Variants in ARHGEF18 observed in about 807,000 individuals in gnomAD.
ARHGEF18 encodes rho guanine nucleotide exchange factor 18.
ARHGEF18 carries 93 observed loss-of-function variants against 155.7 expected under a neutral mutation model. The ratio of observed to expected loss-of-function variants is 0.60; its 90% CI spans 0.50 to 0.71. ARHGEF18 has a LOEUF of 0.71. Among genes scored for constraint, ARHGEF18 ranks in the 30% least tolerant of loss-of-function variants. ARHGEF18 has a pLI of 0.00. For synonymous variants in ARHGEF18, 742 were observed against 753.1 expected (o/e 0.99, Z 0.24); for missense variants, 1,593 against 1,816.1 (o/e 0.88, Z 2.23).
chr19:7,409,427 A>G (rs1270925734), intron 10 of ARHGEF18, among the ~76,000 whole-genome samples: 3 of 108,990 alleles, frequency 2.8e-5, no homozygotes, highest in Non-Finnish European at 5.4e-5. Context: ...ACTAATGAAG[A>G]GTCTTTTTTT....
chr19:7,470,041 C>T lies in ARHGEF18; in HGVS notation c.3913+12C>T, dbSNP rs1976926259. ...TGCGCCCCCACCAGGTGAGCCCCCA[C>T]CCCCTGACATGAGCCCAGTCCCAGG... is the stretch of plus-strand genomic sequence containing the variant. On this transcript the variant is annotated intron_variant, in intron 28 of 28. Coordinates refer to ENST00000668164, the MANE Select transcript of ARHGEF18 (RefSeq NM_001367823.1). The surrounding 1 kb of genome is among the most constrained non-coding windows in gnomAD (Gnocchi z 5.9). 1.9e-6 allele frequency: 3 copies of T among 1,612,274 alleles called. No individual in the cohort carries two copies. The highest frequency in any genetic ancestry group is 4.5e-5 in the East Asian group (2 of 44,838).
chr19:7,362,149 GAGAAGGAGGAGA>G (rs1238438948), intron 1 of ARHGEF18, among the ~76,000 whole-genome samples: 1 of 37,758 alleles, frequency 2.6e-5, no homozygotes, highest in East Asian at 5.2e-4. Flanking sequence ...GAAGGAGAAG[GAGAAGGAGGAGA>G]AGAAGGAGAA....
chr19:7,465,155 G>A (rs1976534248), intron 23 of ARHGEF18, among the ~76,000 whole-genome samples: 2 of 152,180 alleles, frequency 1.3e-5, no homozygotes, highest in South Asian at 4.1e-4. Flanking sequence ...TTGCCCCTGT[G>A]GCCAGAGCTG....
intron 1 of ARHGEF18, among the ~76,000 whole-genome samples, chr19:7,361,236 G>T (rs1023742751): frequency 6.6e-6 from 1 of 152,140 alleles, no homozygotes; most frequent in East Asian, 1.9e-4. Flanking sequence ...AGGAGTTCCG[G>T]ACCAGCCTGG....
intron 10 of ARHGEF18, among the ~76,000 whole-genome samples, chr19:7,421,629 G>C (rs377471066): frequency 2.6e-5 from 4 of 152,106 alleles, no homozygotes; most frequent in Non-Finnish European, 5.9e-5. Flanking sequence ...AGGCATGGTG[G>C]TGCACGCCTG....
At chr19:7,388,344 T>A (rs904184617) in intron 10 of ARHGEF18, among the ~76,000 whole-genome samples, 3 of 151,910 alleles carry the variant, frequency 2.0e-5, no homozygotes, top group Non-Finnish European at 4.4e-5. Context: ...TCCTCCCACC[T>A]ATGCCTCCCA....
In ARHGEF18 at chr19:7,374,447, C is replaced by T. The variant is rs1187008287; in HGVS notation, c.276-1273C>T. Reference sequence around the variant, plus strand: ...ATCCCAGCACTTTGGGAGGCCAAGGCGGGTGGATCACCTGAGGTCAGGAGT... The same window carrying T: ...ATCCCAGCACTTTGGGAGGCCAAGGTGGGTGGATCACCTGAGGTCAGGAGT... On this transcript the variant is annotated intron_variant, in intron 3 of 28. Coordinates refer to ENST00000668164, the MANE Select transcript of ARHGEF18 (RefSeq NM_001367823.1). Among the ~76,000 whole-genome samples, 8 of 152,068 alleles carry T rather than the reference C, an allele frequency of 5.3e-5. No homozygotes were observed. In the East Asian group the frequency reaches 7.8e-4, roughly 15 times the overall value.
chr19:7,404,491 G>A (rs1972193069), intron 10 of ARHGEF18, among the ~76,000 whole-genome samples: 2 of 131,038 alleles, frequency 1.5e-5, no homozygotes, highest in Non-Finnish European at 3.1e-5. Flanking sequence ...ATGGAGTCTC[G>A]CTCTGTCACC....
chr19:7,476,934 C>T (rs892572745), downstream of ARHGEF18: 20 of 403,500 alleles, frequency 5.0e-5, 1 homozygote, highest in Admixed American at 8.5e-5. Flanking sequence ...CGACAGGCCC[C>T]CTCTTCCTCA....
Position 7,458,512 on chromosome 19 carries a change from G to C in ARHGEF18, c.2182G>C (p.Asp728His). The C allele has an allele frequency of 6.2e-7, 1 of 1,613,852 alleles. No homozygotes were observed. Among genetic ancestry groups the C allele is most frequent in the Non-Finnish European group, 8.5e-7 (1 of 1,179,828 alleles). ...TCCCCAATGCCCTCTACTCATGCAG[G>C]ACTCAAAGCCACCCGTCATCTCGTT... ...KDQKYVFASV[D>H]SKPPVISLQK... Residue 728 changes from aspartate to histidine, a missense_variant and splice_region_variant, in exon 19 of 29, where the codon GAC (aspartate) becomes CAC (histidine). By Grantham distance (81) the Asp-to-His change is moderately conservative. Transcript: ENST00000668164.
intron 10 of ARHGEF18, among the ~76,000 whole-genome samples, chr19:7,406,085 T>C (rs1972290653): frequency 6.6e-6 from 1 of 152,018 alleles, no homozygotes; most frequent in Non-Finnish European, 1.5e-5. Context: ...ATTCTTTTTG[T>C]TGTTGTTGTT....
At chr19:7,420,107 C>A (rs1319805574) in intron 10 of ARHGEF18, among the ~76,000 whole-genome samples, 1 of 152,026 alleles carries the variant, frequency 6.6e-6, no homozygotes, top group East Asian at 1.9e-4. Flanking sequence ...GGCAACTAAT[C>A]AAAAAAGGCC....
rs551788801 is a variant in ARHGEF18, at chr19:7,375,729, C to T, written c.285C>T (p.Leu95=). 1.3e-4 allele frequency: 166 copies of T among 1,234,444 alleles called. No homozygotes were observed. The highest frequency in any genetic ancestry group is 9.9e-4 in the African/African-American group (64 of 64,614). The allele number at this position is 1,234,444 out of a possible 1,614,324, so 76.5% of individuals were successfully genotyped here. ...CTGTCTTCTCCACTAGGCTCAGCCTCGATGCCTCAGCTGTGGATGAGGAAC... is the reference window on the plus strand; with the variant it reads ...CTGTCTTCTCCACTAGGCTCAGCCTTGATGCCTCAGCTGTGGATGAGGAAC... ...SCSESWRRLS[L]DASAVDEEPC... Residue 95 remains leucine, a synonymous_variant, in exon 4 of 29, where the codon CTC becomes CTT. Transcript: ENST00000668164.
chr19:7,373,558 C>T (rs1050631900), intron 3 of ARHGEF18, among the ~76,000 whole-genome samples: 2 of 150,894 alleles, frequency 1.3e-5, no homozygotes, highest in African/African-American at 4.9e-5. Flanking sequence ...TCACTGCAAT[C>T]TCCGCCTCCT....
At position 7,467,209 on chromosome 19, in the gene ARHGEF18, C is replaced by T; in HGVS notation, c.3010-5C>T. ...TCTCACTCGCCTGGCCCTGGCCCTC[C>T]GCAGGCGGTAATCGCCCACCAGGAC... On this transcript the variant is annotated splice_polypyrimidine_tract_variant and splice_region_variant and intron_variant, in intron 25 of 28. Transcript: ENST00000668164. The T allele has an allele frequency of 6.3e-7, 1 of 1,584,214 alleles. No homozygotes were observed. Among genetic ancestry groups the T allele is most frequent in the Non-Finnish European group, 8.6e-7 (1 of 1,161,434 alleles).
intron 2 of ARHGEF18, among the ~76,000 whole-genome samples, chr19:7,370,613 A>G (rs1202542669): frequency 1.3e-5 from 2 of 152,224 alleles, no homozygotes; most frequent in Admixed American, 1.3e-4. Context: ...ACCCACAGAT[A>G]TCTGCACACT....
At chr19:7,354,227 G>C (rs1357337754) in intron 1 of ARHGEF18, among the ~76,000 whole-genome samples, 3 of 152,158 alleles carry the variant, frequency 2.0e-5, no homozygotes, top group Non-Finnish European at 4.4e-5. Flanking sequence ...TGAGGCAAGA[G>C]GATTGCTTGA....
Position 7,456,389 on chromosome 19 carries a change from G to T in ARHGEF18, c.2167G>T (p.Val723Phe). 1 of 1,614,062 alleles carries T rather than the reference G, an allele frequency of 6.2e-7. No individual in the cohort carries two copies. The highest frequency in any genetic ancestry group is 8.5e-7 in the Non-Finnish European group (1 of 1,179,942). Residue 723 changes from valine to phenylalanine, a missense_variant, in exon 18 of 29, where the codon GTC (valine) becomes TTC (phenylalanine). Transcript: ENST00000668164. ...GCTACAAGAAAAAGATCAGAAATAC[G>T]TCTTTGCTTCTGTGGTATGTATCCT... ...LLLQEKDQKY[V>F]FASVDSKPPV...
downstream of ARHGEF18, among the ~76,000 whole-genome samples, chr19:7,474,195 C>T (rs145008440): frequency 1.5e-3 from 235 of 151,956 alleles, 1 homozygote; most frequent in African/African-American, 5.3e-3. Flanking sequence ...AAAAATCAGC[C>T]GGGCGTGGTG....
Sources: gnomAD v4.1 joint callset for allele counts (sites outside exome capture counted in the v4.1 genomes callset) on GRCh38, gnomAD v4.1.1 for gene constraint, Gnocchi (gnomAD v3.1) non-coding constraint, MANE v1.5 for transcripts, NCBI Gene and HGNC (gene_info 2026-07-23, HGNC 2026-07-21) for gene names.